The following CHTF18 variants were observed in gnomAD, a reference collection of about 807,000 sequenced individuals.
The protein encoded by CHTF18 is chromosome transmission fidelity factor 18, also known as chromosome transmission fidelity protein 18 homolog.
Under a neutral mutation model 113.4 loss-of-function variants are expected in CHTF18, and 151 were observed. The ratio of observed to expected loss-of-function variants is 1.33; its 90% CI spans 1.17 to 1.52. The LOEUF (loss-of-function observed/expected upper bound fraction) is 1.52, where lower values mean the gene tolerates loss of function less well. Ranked by LOEUF, CHTF18 falls within the 40% of genes most tolerant of loss-of-function variation. The pLI, the probability that CHTF18 is intolerant of heterozygous loss-of-function variation, is 0.00. For missense variants in CHTF18, 1,982 were observed against 1,381.6 expected (o/e 1.43, Z -6.89); for synonymous variants, 916 against 598.8 (o/e 1.53, Z -7.74).
In CHTF18 at chr16:790,391, C is replaced by T. The variant is rs371408062; in HGVS notation, c.744C>T (p.Thr248=). The stretch of plus-strand genomic sequence containing the variant: ...AGGAGGCCCAGAAGCTTTCAGACAC[C>T]CTGCACAGGTGACTTGGTTGGCCCT... ...LLQEAQKLSD[T]LHSLRSGEEE... is the part of the protein sequence containing the mutation. The change falls in exon 6 of 22, where the codon ACC becomes ACT. Residue 248 remains threonine, a synonymous_variant. Coordinates refer to ENST00000262315, the MANE Select transcript of CHTF18 (RefSeq NM_022092.3). 30 of 1,612,266 alleles carry T rather than the reference C, an allele frequency of 1.9e-5. No homozygotes were observed. Among genetic ancestry groups the T allele is most frequent in the African/African-American group, 2.7e-5 (2 of 74,930 alleles).
intron 8 of CHTF18, chr16:791,597 C>T (rs772236376): frequency 1.7e-5 from 24 of 1,430,438 alleles, no homozygotes; most frequent in Middle Eastern, 2.6e-4. Flanking sequence ...TCTGGGTGGA[C>T]GGTGGGTGGT....
At chr16:797,547 G>A in intron 20 of CHTF18, 147 bp from the exon 21 acceptor site, 1 of 753,516 alleles carries the variant, frequency 1.3e-6, no homozygotes, top group Non-Finnish European at 2.2e-6. Context: ...GAGGGGTGAG[G>A]GGCAGCTGGC....
chr16:794,830 C>T lies in CHTF18; in HGVS notation c.1951-302C>T, dbSNP rs1042008384. The T allele has an allele frequency of 5.5e-5, 24 of 435,070 alleles. No individual in the cohort carries two copies. In the Middle Eastern group the frequency reaches 1.9e-3, roughly 35 times the overall value. 27.0% of individuals were successfully genotyped at this position (435,070 alleles called of 1,614,324 possible). A position where few individuals can be genotyped will look rare whatever the true frequency, so the allele number is the denominator to read the frequency against. On this transcript the variant is annotated intron_variant, in intron 15 of 21. Coordinates refer to ENST00000262315, the MANE Select transcript of CHTF18 (RefSeq NM_022092.3). ...TGAGTGAGGCTGGATCCCTTTGGTTCCTGGAGGCCTCCTGGTGGGTCACCC... is the reference window on the plus strand; with the variant it reads ...TGAGTGAGGCTGGATCCCTTTGGTTTCTGGAGGCCTCCTGGTGGGTCACCC...
intron 15 of CHTF18, chr16:794,618 T>C (rs539123135): frequency 2.6e-4 from 64 of 242,568 alleles, no homozygotes; most frequent in African/African-American, 1.3e-3. Flanking sequence ...CTAAGCTGTC[T>C]GCTGACTCTA....
intron 18 of CHTF18, chr16:796,491 G>T: frequency 1.7e-6 from 1 of 596,594 alleles, no homozygotes; most frequent in Non-Finnish European, 2.9e-6. Context: ...GGCAGCCATC[G>T]GCAGGTTTCA....
chr16:795,378 G>A (rs754031905), intron 16 of CHTF18, 22 bp downstream of exon 16: 6 of 1,533,516 alleles, frequency 3.9e-6, no homozygotes, highest in South Asian at 2.4e-5. Context: ...CCTGCACCAC[G>A]CCTGCCCCCG....
In CHTF18 at chr16:797,965, A is replaced by G. The variant is rs1391994300; in HGVS notation, c.2918A>G (p.Asp973Gly). 4 of 1,611,478 alleles carry G rather than the reference A, an allele frequency of 2.5e-6. No individual in the cohort carries two copies. Among genetic ancestry groups the G allele is most frequent in the Non-Finnish European group, 3.4e-6 (4 of 1,179,268 alleles). The change falls in exon 22 of 22, where the codon GAC becomes GGC. Residue 973 changes from aspartate (D) to glycine (G), a missense_variant. Transcript: ENST00000262315. ...NAVRRSLYIR[D>G]LL is the part of the protein sequence containing the mutation. The stretch of plus-strand genomic sequence containing the variant: ...GTGCGGCGCAGCCTGTACATCAGGG[A>G]CTTGCTCTAGTTCTCTGAGCCGCGG...
Position 788,682 on chromosome 16 carries a change from G to T in CHTF18, c.-3G>T, listed in dbSNP as rs1334957839. The T allele has an allele frequency of 4.5e-6, 7 of 1,546,560 alleles. No homozygotes were observed. Among genetic ancestry groups the T allele is most frequent in the Non-Finnish European group, 6.1e-6 (7 of 1,150,640 alleles). On this transcript the variant is annotated 5_prime_UTR_variant, in exon 1 of 22. Transcript: ENST00000262315. ...GGAGCGGGAGCTCGGGCTCGCGGAC[G>T]GTATGGAGGACTACGAGCAGGAGCT...
Position 795,745 on chromosome 16 carries a change from C to T in CHTF18, c.2236C>T (p.Pro746Ser). ...LIQTLVSGIA[P>S]ATRSRATPQA... is the part of the protein sequence containing the mutation. ...CCAGACGCTGGTGTCCGGCATCGCG[C>T]CAGCCACGCGCAGCCGGGCCACGCC... Residue 746 changes from proline to serine, a missense_variant, in exon 17 of 22, where the codon CCA becomes TCA. Coordinates refer to ENST00000262315, the MANE Select transcript of CHTF18 (RefSeq NM_022092.3). 2 of 1,608,648 alleles carry T rather than the reference C, an allele frequency of 1.2e-6. No homozygotes were observed. Among genetic ancestry groups the T allele is most frequent in the South Asian group, 1.1e-5 (1 of 90,608 alleles).
chr16:791,895 G>T lies in CHTF18; in HGVS notation c.1149G>T (p.Leu383=). Residue 383 remains leucine (L), a synonymous_variant, in exon 9 of 22, where the codon CTG becomes CTT. Coordinates refer to ENST00000262315, the MANE Select transcript of CHTF18 (RefSeq NM_022092.3). ...CCCCGGGGCTGGGGAAGACCACCCT[G>T]GCACACGTGATTGCGCGTCACGCGG... ...CGPPGLGKTT[L]AHVIARHAGY... is the part of the protein sequence containing the mutation. The T allele has an allele frequency of 6.2e-7, 1 of 1,609,940 alleles. No homozygotes were observed. Among genetic ancestry groups the T allele is most frequent in the South Asian group, 1.1e-5 (1 of 90,156 alleles).
chr16:797,770 TG>T lies in CHTF18; in HGVS notation c.2791+23del. On this transcript the variant is annotated intron_variant, in intron 21 of 21. Transcript: ENST00000262315. ...AGTGCAGGTGTGTGTGGGGGTGTTGTGGGGTTGTGGGGGGCCTGGGGGTTGT... is the reference window on the plus strand; with the variant it reads ...AGTGCAGGTGTGTGTGGGGGTGTTGTGGGTTGTGGGGGGCCTGGGGGTTGT... 1 of 686,578 alleles carries T rather than the reference TG, an allele frequency of 1.5e-6. No homozygotes were observed. Among genetic ancestry groups the T allele is most frequent in the Non-Finnish European group, 2.1e-6 (1 of 469,534 alleles). 42.5% of individuals were successfully genotyped at this position (686,578 alleles called of 1,614,324 possible).
intron 8 of CHTF18, 79 bp downstream of exon 8, chr16:791,449 T>G: frequency 1.3e-6 from 2 of 1,483,706 alleles, no homozygotes; most frequent in South Asian, 1.3e-5. Flanking sequence ...GCCTGTTGAC[T>G]TTCTCCAGGA....
Position 794,840 on chromosome 16 carries a change from T to G in CHTF18, c.1951-292T>G, listed in dbSNP as rs190494352. 1,570 of 454,384 alleles carry G rather than the reference T, an allele frequency of 3.5e-3. 59 individuals carry two copies. In the Admixed American group the frequency reaches 0.054, roughly 16 times the overall value. The allele number at this position is 454,384 out of a possible 1,614,324, so 28.1% of individuals were successfully genotyped here. A position where few individuals can be genotyped will look rare whatever the true frequency, so the allele number is the denominator to read the frequency against. On this transcript the variant is annotated intron_variant, in intron 15 of 21. Transcript: ENST00000262315. ...TGGATCCCTTTGGTTCCTGGAGGCC[T>G]CCTGGTGGGTCACCCCCTCGTGTCA...
intron 4 of CHTF18, 129 bp downstream of exon 4, chr16:789,844 A>G (rs2042127317): frequency 1.5e-6 from 2 of 1,322,120 alleles, no homozygotes; most frequent in Admixed American, 2.2e-5. Context: ...GCAGAGGGGG[A>G]GGCTGCGTCA....
rs774210020 is a variant in CHTF18 at position 791,163 on chromosome 16, C to T, written c.897C>T (p.Phe299=). Residue 299 remains phenylalanine, a splice_region_variant and synonymous_variant, in exon 8 of 22, where the codon TTC becomes TTT. Coordinates refer to ENST00000262315, the MANE Select transcript of CHTF18 (RefSeq NM_022092.3). ...RHYTELLSDD[F]TNRCLLKWLK... ...TTCCCTTCCCGTCCTTCCCGCAGTT[C>T]ACCAACCGCTGCCTGCTCAAGTGGC... The T allele has an allele frequency of 1.2e-6, 2 of 1,609,762 alleles. No individual in the cohort carries two copies. Among genetic ancestry groups the T allele is most frequent in the Non-Finnish European group, 1.7e-6 (2 of 1,178,802 alleles).
chr16:791,649 G>A, intron 8 of CHTF18: 1 of 1,429,188 alleles, frequency 7.0e-7, no homozygotes, highest in African/African-American at 1.4e-5. Context: ...TGTTTTGTCT[G>A]CACGAACTTT....
chr16:793,013 C>T lies in CHTF18; in HGVS notation c.1620C>T (p.Ala540=), dbSNP rs574305729. Residue 540 remains alanine, a synonymous_variant, in exon 13 of 22, where the codon GCC becomes GCT. Coordinates refer to ENST00000262315, the MANE Select transcript of CHTF18 (RefSeq NM_022092.3). ...GMRADPGVLA[A]LCEKTDNDIR... ...GGGCCGACCCAGGGGTGCTGGCCGCCCTCTGTGAGAAAACTGACAATGACA... is the reference window on the plus strand; with the variant it reads ...GGGCCGACCCAGGGGTGCTGGCCGCTCTCTGTGAGAAAACTGACAATGACA... 8.6e-5 allele frequency: 134 copies of T among 1,561,042 alleles called. No homozygotes were observed. In the East Asian group the frequency reaches 2.7e-3, roughly 31 times the overall value.
intron 5 of CHTF18, 38 bp from the exon 6 acceptor site, chr16:790,309 G>T: frequency 6.2e-7 from 1 of 1,610,318 alleles, no homozygotes; most frequent in Non-Finnish European, 8.5e-7. Context: ...TGGCGGGGCC[G>T]CCTGAGCCCT....
rs1211894373 is a variant in CHTF18, at chr16:792,823, C to A, written c.1572+12C>A. ...AGCGGCTCCAGGAGGTCGGTGGAGC[C>A]CCAGGAGCCGTGTGGCTGATGGCGG... On this transcript the variant is annotated intron_variant, in intron 12 of 21. Coordinates refer to ENST00000262315, the MANE Select transcript of CHTF18 (RefSeq NM_022092.3). 6.5e-7 allele frequency: 1 copy of A among 1,539,210 alleles called. No homozygotes were observed. Among genetic ancestry groups the A allele is most frequent in the Admixed American group, 2.0e-5 (1 of 51,022 alleles).
Sources: allele counts gnomAD v4.1 joint callset, GRCh38; gene constraint gnomAD v4.1.1; transcripts MANE v1.5; gene names NCBI Gene and HGNC (gene_info 2026-07-23, HGNC 2026-07-21).